The following VPS13B variants were observed in gnomAD, a reference collection of about 807,000 sequenced individuals.
The protein encoded by VPS13B is intermembrane lipid transfer protein VPS13B.
A neutral mutation model predicts 426.4 loss-of-function variants in VPS13B; 285 were observed. That is an observed-to-expected ratio of 0.67 (90% CI 0.61 to 0.74). The LOEUF is 0.74. Ranked by LOEUF, VPS13B falls within the 30% of genes least tolerant of loss-of-function variation. The pLI, the probability that VPS13B is intolerant of heterozygous loss-of-function variation, is 0.00. For synonymous variants in VPS13B, 1,676 were observed against 1,676.4 expected (o/e 1.00, Z 0.01); for missense variants, 4,537 against 4,782.6 (o/e 0.95, Z 1.51).
Position 99,279,821 on chromosome 8 carries a change from G to A in VPS13B, c.2824+4567G>A, listed in dbSNP as rs1819075187. Among the ~76,000 whole-genome samples, 5 of 152,038 alleles carry A rather than the reference G, an allele frequency of 3.3e-5. No individual in the cohort carries two copies. The South Asian group carries it at 1.0e-3, about 32-fold the overall frequency. On this transcript the variant is annotated intron_variant, in intron 19 of 61. Coordinates refer to ENST00000357162, the MANE Select transcript of VPS13B (RefSeq NM_152564.5). ...GTCTCGTACTGTCGCCCAGGCTGGA[G>A]TGCAGTGGCGCGATCTTGGCTCACT...
intron 39 of VPS13B, among the ~76,000 whole-genome samples, chr8:99,729,353 A>G (rs1833493358): frequency 6.6e-6 from 1 of 152,190 alleles, no homozygotes; most frequent in South Asian, 2.1e-4. Flanking sequence ...TGGAAAAGAC[A>G]TTCTGCTCTG....
At chr8:99,405,930 C>A (rs1815303969) in intron 21 of VPS13B, among the ~76,000 whole-genome samples, 2 of 152,030 alleles carry the variant, frequency 1.3e-5, no homozygotes, top group Admixed American at 6.6e-5. Context: ...CAGGCACCCA[C>A]CACCAACACC....
At chr8:99,741,022 G>C (rs1809692843) in intron 39 of VPS13B, among the ~76,000 whole-genome samples, 1 of 152,142 alleles carries the variant, frequency 6.6e-6, no homozygotes, top group African/African-American at 2.4e-5. Flanking sequence ...AAAAGAAACA[G>C]ACTGGCAAAT....
chr8:99,522,748 A>G (rs1822437302), intron 30 of VPS13B, among the ~76,000 whole-genome samples: 1 of 152,166 alleles, frequency 6.6e-6, no homozygotes, highest in Admixed American at 6.5e-5. Flanking sequence ...TCAACCTAAT[A>G]ATTTTTCTTT....
At chr8:99,116,750 T>C (rs535730738) in intron 7 of VPS13B, among the ~76,000 whole-genome samples, 58 of 152,290 alleles carry the variant, frequency 3.8e-4, no homozygotes, top group African/African-American at 1.2e-3. Context: ...ATACATTTGA[T>C]AAAAGTTGAA....
At chr8:99,618,221 A>G (rs1828188990) in intron 33 of VPS13B, among the ~76,000 whole-genome samples, 1 of 151,978 alleles carries the variant, frequency 6.6e-6, no homozygotes, top group Non-Finnish European at 1.5e-5. Flanking sequence ...TGATACCAGT[A>G]AGCAGTAGCA....
chr8:99,517,768 GA>G (rs1425374906), intron 29 of VPS13B, among the ~76,000 whole-genome samples: 8 of 151,892 alleles, frequency 5.3e-5, no homozygotes, highest in Non-Finnish European at 1.2e-4. Flanking sequence ...TTTTCATGTT[GA>G]AAATATTTCT....
intron 20 of VPS13B, among the ~76,000 whole-genome samples, chr8:99,388,482 G>A (rs945950524): frequency 3.9e-5 from 6 of 152,020 alleles, no homozygotes; most frequent in African/African-American, 1.4e-4. Context: ...TAGGTATTTT[G>A]GGATTATGGG....
At chr8:99,057,270 T>C (rs1249342128) in intron 3 of VPS13B, among the ~76,000 whole-genome samples, 1 of 152,142 alleles carries the variant, frequency 6.6e-6, no homozygotes, top group Non-Finnish European at 1.5e-5. Context: ...GGATTCTGCC[T>C]CCATGATGCC....
At chr8:99,042,122 A>G (rs1842990033) in intron 3 of VPS13B, among the ~76,000 whole-genome samples, 1 of 151,984 alleles carries the variant, frequency 6.6e-6, no homozygotes, top group South Asian at 2.1e-4. Flanking sequence ...CCTGGGCAAC[A>G]AGAGTGAAAC....
At chr8:99,311,229 T>C (rs1820955282) in intron 19 of VPS13B, among the ~76,000 whole-genome samples, 1 of 152,234 alleles carries the variant, frequency 6.6e-6, no homozygotes, top group Non-Finnish European at 1.5e-5. Context: ...ATGTGTTTGC[T>C]CTTGCTTCTC....
intron 29 of VPS13B, among the ~76,000 whole-genome samples, chr8:99,516,564 A>C (rs983921181): frequency 6.6e-6 from 1 of 151,958 alleles, no homozygotes; most frequent in Admixed American, 6.6e-5. Context: ...CAAAGCAGGC[A>C]TATAGCTTGA....
At chr8:99,234,180 G>C (rs1816513088) in intron 17 of VPS13B, 2 of 779,754 alleles carry the variant, frequency 2.6e-6, no homozygotes, top group Non-Finnish European at 4.8e-6. Context: ...CAGGATGTAG[G>C]AAATCTTGAA....
intron 5 of VPS13B, among the ~76,000 whole-genome samples, chr8:99,108,097 T>C (rs931002702): frequency 6.6e-6 from 1 of 152,188 alleles, no homozygotes; most frequent in Non-Finnish European, 1.5e-5. Flanking sequence ...GAACATGCAG[T>C]GTTTGGTTTT....
intron 25 of VPS13B, among the ~76,000 whole-genome samples, chr8:99,488,789 T>C (rs1388591985): frequency 1.3e-5 from 2 of 152,196 alleles, no homozygotes; most frequent in Admixed American, 6.5e-5. Flanking sequence ...ATAAGCCCTT[T>C]GTCAGATGGG....
intron 31 of VPS13B, among the ~76,000 whole-genome samples, chr8:99,564,369 C>A (rs547834887): frequency 6.6e-5 from 10 of 152,102 alleles, no homozygotes; most frequent in African/African-American, 2.2e-4. Flanking sequence ...AGCACTTGAC[C>A]TGGTTAAAAA....
intron 47 of VPS13B, 65 bp from the exon 48 acceptor site, chr8:99,819,347 T>C (rs1305518725): frequency 6.4e-7 from 1 of 1,567,922 alleles, no homozygotes; most frequent in African/African-American, 1.4e-5. Flanking sequence ...TAGATATTTT[T>C]CAATAAATTA....
At chr8:99,436,991 G>A (rs1331912286) in intron 22 of VPS13B, among the ~76,000 whole-genome samples, 8 of 151,964 alleles carry the variant, frequency 5.3e-5, no homozygotes, top group Non-Finnish European at 1.0e-4. Flanking sequence ...CACCCGCCTC[G>A]GCCTCCTAAA....
intron 43 of VPS13B, among the ~76,000 whole-genome samples, chr8:99,802,035 A>G (rs889321585): frequency 1.9e-4 from 29 of 152,094 alleles, no homozygotes; most frequent in African/African-American, 7.0e-4. Context: ...CTGTAGTCCC[A>G]ACTACTCAGA....
Sources: allele counts gnomAD v4.1 joint callset (sites outside exome capture counted in the v4.1 genomes callset), GRCh38; gene constraint gnomAD v4.1.1; transcripts MANE v1.5; gene names NCBI Gene and HGNC (gene_info 2026-07-23, HGNC 2026-07-21).